The following BICC1 variants were observed in gnomAD, a reference collection of about 807,000 sequenced individuals.
BICC1 encodes the protein protein bicaudal C homolog 1.
In BICC1, 43 loss-of-function variants were observed where a neutral mutation model predicts 111.0. That is an observed-to-expected ratio of 0.39 (90% CI 0.30 to 0.50). BICC1 has a LOEUF of 0.50. Among genes scored for constraint, BICC1 ranks in the 20% least tolerant of loss-of-function variants. BICC1 has a pLI of 0.88. For synonymous variants in BICC1, 467 were observed against 434.4 expected, an observed-to-expected ratio of 1.07 and a Z score of -0.93; for missense variants, 1,091 against 1,203.2, an observed-to-expected ratio of 0.91 and a Z score of 1.38.
rs758128211 is a variant in BICC1 at position 58,817,625 on chromosome 10, G to C, written c.2597G>C (p.Gly866Ala). 6.2e-7 allele frequency: 1 copy of C among 1,613,586 alleles called. No individual in the cohort carries two copies. The highest frequency in any genetic ancestry group is 1.1e-5 in the South Asian group (1 of 91,066). The change falls in exon 19 of 21, where the codon GGC (glycine) becomes GCC (alanine). Residue 866 changes from glycine to alanine, a missense_variant. Around this residue, in one of 3 missense-constraint regions of BICC1, gnomAD observed 231 missense variants for 256.2 expected, o/e 0.90. Transcript: ENST00000373886. ...DCISSLTGSN[G>A]CNLNSSFKGS... Reference sequence around the variant, plus strand: ...ATTTCCTCGCTGACAGGAAGCAATGGCTGTAACTTAAATAGCTCTTTCAAA... The same window carrying C: ...ATTTCCTCGCTGACAGGAAGCAATGCCTGTAACTTAAATAGCTCTTTCAAA...
intron 3 of BICC1, among the ~76,000 whole-genome samples, chr10:58,723,342 G>A (rs956273564): frequency 3.3e-5 from 5 of 152,154 alleles, no homozygotes; most frequent in African/African-American, 1.2e-4. Context: ...TTAGAGACTC[G>A]AAGACACTGG....
intron 2 of BICC1, among the ~76,000 whole-genome samples, chr10:58,646,378 A>G (rs1288362323): frequency 6.6e-6 from 1 of 152,168 alleles, no homozygotes; most frequent in Non-Finnish European, 1.5e-5. Context: ...AGTGGTAGTA[A>G]ATGACCTATT....
intron 2 of BICC1, among the ~76,000 whole-genome samples, chr10:58,682,619 T>A (rs910093419): frequency 1.7e-4 from 26 of 152,228 alleles, no homozygotes; most frequent in African/African-American, 5.8e-4. Flanking sequence ...TGATGGCCAG[T>A]GATGATGAGC....
chr10:58,712,443 C>T lies in BICC1; in HGVS notation c.307+10300C>T, dbSNP rs148820676. Reference sequence around the variant, plus strand: ...AGCTTTATTTGTAATTATCAAAACTCGGAAACAACCAAGATGTCCTTCAGT... The same window carrying T: ...AGCTTTATTTGTAATTATCAAAACTTGGAAACAACCAAGATGTCCTTCAGT... On this transcript the variant is annotated intron_variant, in intron 3 of 20. Transcript: ENST00000373886. Among the ~76,000 whole-genome samples, 416 of 152,222 alleles carry T rather than the reference C, an allele frequency of 2.7e-3. 2 individuals are homozygous for T. Among genetic ancestry groups the T allele is most frequent in the African/African-American group, 9.3e-3 (387 of 41,538 alleles).
intron 3 of BICC1, among the ~76,000 whole-genome samples, chr10:58,713,606 C>A (rs1840645822): frequency 6.6e-6 from 1 of 152,150 alleles, no homozygotes; most frequent in Non-Finnish European, 1.5e-5. Context: ...GGTAATCTGT[C>A]CATTCTGTAA....
intron 1 of BICC1, among the ~76,000 whole-genome samples, chr10:58,616,198 G>C (rs1166484655): frequency 2.0e-5 from 3 of 152,202 alleles, no homozygotes; most frequent in African/African-American, 2.4e-5. Flanking sequence ...TGATACCGAG[G>C]AGGCTGTTAG....
chr10:58,520,258 C>G (rs549999379), intron 1 of BICC1, among the ~76,000 whole-genome samples: 2 of 152,236 alleles, frequency 1.3e-5, no homozygotes, highest in South Asian at 4.2e-4. Flanking sequence ...TAATAAACTA[C>G]CAGGAATGAG....
chr10:58,743,576 C>G (rs1352616757), intron 3 of BICC1, among the ~76,000 whole-genome samples: 4 of 151,298 alleles, frequency 2.6e-5, no homozygotes. Flanking sequence ...AGCAAGGAGA[C>G]AGCAGCTGTG....
At chr10:58,746,941 A>G (rs2132627938) in intron 3 of BICC1, among the ~76,000 whole-genome samples, 1 of 152,276 alleles carries the variant, frequency 6.6e-6, no homozygotes, top group South Asian at 2.1e-4. Context: ...GTAGTACTTC[A>G]GAGGGTCACT....
intron 3 of BICC1, chr10:58,715,493 C>T (rs1840711188): frequency 2.0e-6 from 2 of 979,220 alleles, no homozygotes; most frequent in Non-Finnish European, 3.3e-6. Context: ...GGCAGGCCCT[C>T]TTCGGCCATC....
At chr10:58,640,330 G>C (rs1201685931) in intron 2 of BICC1, among the ~76,000 whole-genome samples, 1 of 152,122 alleles carries the variant, frequency 6.6e-6, no homozygotes, top group African/African-American at 2.4e-5. Context: ...ATAATAGAGT[G>C]TTTGTACCAA....
At chr10:58,709,587 A>G (rs1259552822) in intron 3 of BICC1, among the ~76,000 whole-genome samples, 1 of 152,240 alleles carries the variant, frequency 6.6e-6, no homozygotes, top group East Asian at 1.9e-4. Flanking sequence ...CCCTCAACTC[A>G]ATCATGGAAA....
At chr10:58,546,381 C>T (rs1427660742) in intron 1 of BICC1, among the ~76,000 whole-genome samples, 1 of 152,128 alleles carries the variant, frequency 6.6e-6, no homozygotes, top group African/African-American at 2.4e-5. Flanking sequence ...CAGATGTGGC[C>T]AAATCTTCCT....
intron 2 of BICC1, among the ~76,000 whole-genome samples, chr10:58,630,442 T>A (rs990734509): frequency 3.3e-5 from 5 of 152,152 alleles, no homozygotes; most frequent in African/African-American, 1.2e-4. Context: ...TTTTGTTTTG[T>A]TTAAAGAGAT....
At chr10:58,802,153 C>T (rs75739466) in intron 14 of BICC1, among the ~76,000 whole-genome samples, 3,318 of 152,254 alleles carry the variant, frequency 0.022, 114 homozygotes, top group African/African-American at 0.075. Flanking sequence ...GCTTCCTTTC[C>T]TTTACTTATG....
chr10:58,772,350 A>T (rs1407103599), intron 3 of BICC1, among the ~76,000 whole-genome samples: 2 of 152,172 alleles, frequency 1.3e-5, no homozygotes, highest in Non-Finnish European at 2.9e-5. Context: ...ACTTGCCTCT[A>T]TTGTTACTGT....
At chr10:58,708,936 A>T (rs1840486602) in intron 3 of BICC1, among the ~76,000 whole-genome samples, 1 of 152,162 alleles carries the variant, frequency 6.6e-6, no homozygotes, top group African/African-American at 2.4e-5. Context: ...CCTTAAAAGG[A>T]AAACCTTACT....
chr10:58,661,146 T>G (rs1458231998), intron 2 of BICC1, among the ~76,000 whole-genome samples: 2 of 152,132 alleles, frequency 1.3e-5, no homozygotes, highest in Non-Finnish European at 1.5e-5. Context: ...TGTCAGGTTT[T>G]TTAAGGGGGA....
intron 2 of BICC1, among the ~76,000 whole-genome samples, chr10:58,665,936 G>A (rs942224210): frequency 1.3e-4 from 20 of 151,916 alleles, no homozygotes; most frequent in African/African-American, 3.1e-4. Context: ...ATGTATAGTC[G>A]GTTTCATCTG....
Sources: gnomAD v4.1 joint callset for allele counts (sites outside exome capture counted in the v4.1 genomes callset) on GRCh38, gnomAD v4.1.1 for gene constraint, gnomAD v4.1.1 regional missense constraint, MANE v1.5 for transcripts, NCBI Gene and HGNC (gene_info 2026-07-23, HGNC 2026-07-21) for gene names.